The following AGBL4 variants were observed in gnomAD, a reference collection of about 807,000 sequenced individuals.
AGBL4 encodes the protein cytosolic carboxypeptidase 6.
Under a neutral mutation model 66.4 loss-of-function variants are expected in AGBL4, and 58 were observed. That is an observed-to-expected ratio of 0.87 (90% CI 0.71 to 1.09). The LOEUF is 1.09. AGBL4 is among the 50% of genes least tolerant of loss of function. The probability of loss-of-function intolerance (pLI) is 0.00; values close to 1 mark genes in which losing one functional copy is unlikely to be tolerated. For missense variants in AGBL4, 579 were observed against 631.0 expected (o/e 0.92, Z 0.88); for synonymous variants, 234 against 222.9 (o/e 1.05, Z -0.44).
intron 3 of AGBL4, among the ~76,000 whole-genome samples, chr1:49,433,680 C>A (rs532931401): frequency 6.6e-6 from 1 of 152,276 alleles, no homozygotes; most frequent in African/African-American, 2.4e-5. Flanking sequence ...ACAAAATAAG[C>A]CGGATTTGAA....
intron 5 of AGBL4, among the ~76,000 whole-genome samples, chr1:48,930,761 A>G (rs1654971263): frequency 6.6e-6 from 1 of 152,212 alleles, no homozygotes; most frequent in African/African-American, 2.4e-5. Context: ...ATCTAACTCC[A>G]TCACTCTACA....
At chr1:49,419,296 G>C (rs1388551894) in intron 3 of AGBL4, among the ~76,000 whole-genome samples, 1 of 152,176 alleles carries the variant, frequency 6.6e-6, no homozygotes, top group Non-Finnish European at 1.5e-5. Flanking sequence ...CCTTCAAGAA[G>C]TTTATGACTT....
chr1:49,174,508 A>C (rs1041033436), intron 4 of AGBL4, among the ~76,000 whole-genome samples: 2 of 152,130 alleles, frequency 1.3e-5, no homozygotes, highest in Non-Finnish European at 2.9e-5. Context: ...TCTCTTTCTA[A>C]GTATTCATTC....
chr1:48,619,835 G>A (rs1400437609), intron 9 of AGBL4, among the ~76,000 whole-genome samples: 1 of 152,162 alleles, frequency 6.6e-6, no homozygotes. Context: ...GCCAATCAGC[G>A]TACAAACTCC....
chr1:50,017,277 A>G lies in AGBL4; in HGVS notation c.34+6486T>C, dbSNP rs866669342. ...CGGCCCTAGTAATAAAACTAGGAAT[A>G]GCCCCCTTTCACTTCTGAGTCCCAG... On this transcript the variant is annotated intron_variant, in intron 1 of 13. Transcript: ENST00000371839. The G allele has an allele frequency of 2.6e-5, 4 of 152,174 alleles. No individual in the cohort carries two copies. The South Asian group carries it at 8.3e-4, about 32-fold the overall frequency. 9.4% of individuals were successfully genotyped at this position (152,174 alleles called of 1,614,324 possible). A position where few individuals can be genotyped will look rare whatever the true frequency, so the allele number is the denominator to read the frequency against.
chr1:48,867,168 G>A (rs1303219689), intron 6 of AGBL4, 23 bp downstream of exon 6: 2 of 1,612,494 alleles, frequency 1.2e-6, no homozygotes, highest in East Asian at 2.2e-5. Context: ...AAAAGCAAAG[G>A]CAGAAGGGCC....
At position 49,697,412 on chromosome 1, in the gene AGBL4, G is replaced by A; in HGVS notation, c.183C>T (p.Val61=). Residue 61 remains valine, a synonymous_variant, in exon 3 of 14, where the codon GTC becomes GTT. Coordinates refer to ENST00000371839, the MANE Select transcript of AGBL4 (RefSeq NM_032785.4). ...ESGNLGRVDQ[V]SEFEYDLFIR... ...TGAACAGATCATACTCAAACTCAGA[G>A]ACCTGGTCCACCCGGCCCAGGTTAC... The A allele has an allele frequency of 2.6e-6, 4 of 1,529,740 alleles. No homozygotes were observed. The highest frequency in any genetic ancestry group is 3.5e-6 in the Non-Finnish European group (4 of 1,130,018). The allele number at this position is 1,529,740 out of a possible 1,614,324, so 94.8% of individuals were successfully genotyped here.
At chr1:49,931,156 G>A (rs1409141454) in intron 1 of AGBL4, among the ~76,000 whole-genome samples, 1 of 152,022 alleles carries the variant, frequency 6.6e-6, no homozygotes, top group East Asian at 1.9e-4. Context: ...TCTTACAATA[G>A]TGTATAAATA....
rs137932272 is a variant in AGBL4 at position 49,490,752 on chromosome 1, A to C, written c.282+206561T>G. 8.8e-4 allele frequency among the ~76,000 whole-genome samples: 133 copies of C among 151,910 alleles called. 1 individual carries two copies. The highest frequency in any genetic ancestry group is 1.6e-3 in the Non-Finnish European group (110 of 67,824). On this transcript the variant is annotated intron_variant, in intron 3 of 13. Coordinates refer to ENST00000371839, the MANE Select transcript of AGBL4 (RefSeq NM_032785.4). ...AGTGGGGGCATTTCTAAGAGGAAAAAAATGGATTCTGGGGAGATAGTGCTG... is the reference window on the plus strand; with the variant it reads ...AGTGGGGGCATTTCTAAGAGGAAAACAATGGATTCTGGGGAGATAGTGCTG...
chr1:48,556,550 C>A (rs1243325520), intron 11 of AGBL4, among the ~76,000 whole-genome samples: 1 of 152,230 alleles, frequency 6.6e-6, no homozygotes, highest in African/African-American at 2.4e-5. Context: ...GTGGCAGGGC[C>A]TCTGCCCAAA....
chr1:49,028,356 C>T (rs1015209364), intron 5 of AGBL4, among the ~76,000 whole-genome samples: 1 of 152,164 alleles, frequency 6.6e-6, no homozygotes, highest in Non-Finnish European at 1.5e-5. Flanking sequence ...GAACAATCAG[C>T]TAGCGATTAA....
chr1:48,572,332 T>C (rs990802628), intron 11 of AGBL4, among the ~76,000 whole-genome samples: 10 of 152,074 alleles, frequency 6.6e-5, no homozygotes, highest in African/African-American at 1.4e-4. Context: ...AGTGGCTTCT[T>C]GTTTGAGTTT....
In AGBL4 at chr1:48,852,015, C is replaced by CTTTTTTT. The variant is rs138826187; in HGVS notation, c.634+15169_634+15175dup. The stretch of plus-strand genomic sequence containing the variant: ...GGTTCTGGTATGTGCCAGATACGTA[C>CTTTTTTT]TTTTTTTTTTTTTTTTTTTTTTTTC... On this transcript the variant is annotated intron_variant, in intron 6 of 13. Coordinates refer to ENST00000371839, the MANE Select transcript of AGBL4 (RefSeq NM_032785.4). Among the ~76,000 whole-genome samples the CTTTTTTT allele has an allele frequency of 2.9e-3, 212 of 71,916 alleles. 13 individuals are homozygous for CTTTTTTT. Among genetic ancestry groups the CTTTTTTT allele is most frequent in the African/African-American group, 0.01 (202 of 19,820 alleles). 47.2% of individuals were successfully genotyped at this position (71,916 alleles called of 152,430 possible).
Position 49,045,722 on chromosome 1 carries a change from A to G in AGBL4, c.456T>C (p.Phe152=). ...HRKNYVMSFA[F]CFDREEDIYQ... is the part of the protein sequence containing the mutation. ...AAATATCTTCTTCTCGGTCAAAACA[A>G]AAGGCAAAGGACATCACATAGTTCT... Residue 152 remains phenylalanine (F), a synonymous_variant, in exon 5 of 14, where the codon TTT becomes TTC. Coordinates refer to ENST00000371839, the MANE Select transcript of AGBL4 (RefSeq NM_032785.4). 1 of 1,552,616 alleles carries G rather than the reference A, an allele frequency of 6.4e-7. No individual in the cohort carries two copies.
intron 3 of AGBL4, among the ~76,000 whole-genome samples, chr1:49,473,099 G>A (rs979038049): frequency 1.3e-5 from 2 of 152,034 alleles, no homozygotes; most frequent in Admixed American, 6.6e-5. Flanking sequence ...ATGGTGAATA[G>A]TGCTGAGATA....
chr1:49,500,654 G>A (rs891741248), intron 3 of AGBL4, among the ~76,000 whole-genome samples: 2 of 151,856 alleles, frequency 1.3e-5, no homozygotes, highest in Non-Finnish European at 2.9e-5. Context: ...CCCACTTTAT[G>A]TTTTTATTCA....
chr1:49,635,935 T>C (rs1404594471), intron 3 of AGBL4, among the ~76,000 whole-genome samples: 1 of 152,164 alleles, frequency 6.6e-6, no homozygotes, highest in Non-Finnish European at 1.5e-5. Flanking sequence ...CAGCACTATT[T>C]ACAGCAACTA....
rs1347412695 is a variant in AGBL4 at position 49,887,162 on chromosome 1, G to GTA, written c.35-35646_35-35645dup. Among the ~76,000 whole-genome samples, 451 of 133,196 alleles carry GTA rather than the reference G, an allele frequency of 3.4e-3. 4 individuals carry two copies. The highest frequency in any genetic ancestry group is 0.011 in the African/African-American group (421 of 37,704). The allele number at this position is 133,196 out of a possible 152,430, so 87.4% of individuals were successfully genotyped here. On this transcript the variant is annotated intron_variant, in intron 1 of 13. Coordinates refer to ENST00000371839, the MANE Select transcript of AGBL4 (RefSeq NM_032785.4). ...ATATATATATATATATACATTGTGT[G>GTA]TATATATATACATTGTATATATATA...
intron 3 of AGBL4, among the ~76,000 whole-genome samples, chr1:49,384,662 T>C (rs1431863580): frequency 6.6e-6 from 1 of 152,102 alleles, no homozygotes; most frequent in Non-Finnish European, 1.5e-5. Context: ...TTTACTCTCA[T>C]TATCACCAGA....
Sources: allele counts gnomAD v4.1 joint callset (sites outside exome capture counted in the v4.1 genomes callset), GRCh38; gene constraint gnomAD v4.1.1; transcripts MANE v1.5; gene names NCBI Gene and HGNC (gene_info 2026-07-23, HGNC 2026-07-21).